The following MB21D2 variants were observed in gnomAD, a reference collection of about 807,000 sequenced individuals.
The protein encoded by MB21D2 is Mab-21 domain containing 2.
MB21D2 carries 9 observed loss-of-function variants against 33.3 expected under a neutral mutation model. The ratio of observed to expected loss-of-function variants is 0.27; its 90% confidence interval spans 0.16 to 0.47. MB21D2 has a LOEUF of 0.47. MB21D2 is among the 20% of genes least tolerant of loss of function. The pLI is 0.99. For missense variants in MB21D2, 540 were observed against 624.6 expected (o/e 0.86, Z 1.44); for synonymous variants, 241 against 236.3 (o/e 1.02, Z -0.18).
chr3:192,839,290 C>A (rs997937612), intron 1 of MB21D2, among the ~76,000 whole-genome samples: 1 of 152,186 alleles, frequency 6.6e-6, no homozygotes, highest in African/African-American at 2.4e-5. Context: ...TCTGGATTTA[C>A]GTACCTTCCT....
intron 1 of MB21D2, among the ~76,000 whole-genome samples, chr3:192,823,612 G>A (rs373654959): frequency 2.6e-5 from 4 of 152,056 alleles, no homozygotes; most frequent in South Asian, 2.1e-4. Context: ...ACAAGATCAC[G>A]CCATTGTACT....
rs535479440 is a variant in MB21D2, at chr3:192,869,865, G to A, written c.211+47765C>T. Among the ~76,000 whole-genome samples, 47 of 152,266 alleles carry A rather than the reference G, an allele frequency of 3.1e-4. No individual in the cohort carries two copies. The South Asian group carries it at 9.1e-3, about 30-fold the overall frequency. On this transcript the variant is annotated intron_variant, in intron 1 of 1. Transcript: ENST00000392452. ...TCAGCAGTCTATAACCTGCTGAGCT[G>A]AGCTAGGAAAGGTACTCAAACAGCA...
At chr3:192,830,418 T>C (rs915738908) in intron 1 of MB21D2, among the ~76,000 whole-genome samples, 1 of 152,168 alleles carries the variant, frequency 6.6e-6, no homozygotes. Flanking sequence ...CTCACCATTT[T>C]GAGCACCCAG....
At chr3:192,845,131 T>C (rs772144318) in intron 1 of MB21D2, among the ~76,000 whole-genome samples, 15 of 152,220 alleles carry the variant, frequency 9.9e-5, no homozygotes, top group Non-Finnish European at 2.1e-4. Context: ...AACTCGGAAG[T>C]TGCAGACTAA....
intron 1 of MB21D2, among the ~76,000 whole-genome samples, chr3:192,862,917 T>C (rs954490996): frequency 6.6e-6 from 1 of 152,320 alleles, no homozygotes; most frequent in East Asian, 1.9e-4. Context: ...AATGGTGCCC[T>C]GTTGCTGCAC....
At chr3:192,902,105 T>C (rs958711394) in intron 1 of MB21D2, among the ~76,000 whole-genome samples, 10 of 152,216 alleles carry the variant, frequency 6.6e-5, no homozygotes, top group African/African-American at 2.2e-4. Flanking sequence ...AAAGAATGTT[T>C]GTCCTGGGAG....
intron 1 of MB21D2, among the ~76,000 whole-genome samples, chr3:192,819,500 C>T (rs181206299): frequency 2.0e-5 from 3 of 152,176 alleles, no homozygotes; most frequent in Non-Finnish European, 4.4e-5. Context: ...CTCCCACCCC[C>T]GCTTCGACCA....
chr3:192,862,622 C>G (rs2061602269), intron 1 of MB21D2, among the ~76,000 whole-genome samples: 1 of 152,130 alleles, frequency 6.6e-6, no homozygotes, highest in Non-Finnish European at 1.5e-5. Flanking sequence ...CCTCCTGCTC[C>G]TTTAACTGTG....
chr3:192,844,149 G>C (rs767646753), intron 1 of MB21D2, among the ~76,000 whole-genome samples: 1 of 152,124 alleles, frequency 6.6e-6, no homozygotes, highest in South Asian at 2.1e-4. Context: ...CCGCAGCCTC[G>C]CCAGCCCACG....
At chr3:192,855,243 C>T (rs993278142) in intron 1 of MB21D2, among the ~76,000 whole-genome samples, 4 of 152,066 alleles carry the variant, frequency 2.6e-5, no homozygotes, top group Non-Finnish European at 4.4e-5. Flanking sequence ...GGATTACAGG[C>T]ACCTACCACC....
intron 1 of MB21D2, among the ~76,000 whole-genome samples, chr3:192,916,524 G>C (rs1714468807): frequency 1.3e-5 from 2 of 152,194 alleles, no homozygotes; most frequent in African/African-American, 4.8e-5. Flanking sequence ...CCAGAGACGA[G>C]CGTTAGAGCA....
intron 1 of MB21D2, among the ~76,000 whole-genome samples, chr3:192,842,195 A>T (rs1712588753): frequency 6.6e-6 from 1 of 152,258 alleles, no homozygotes; most frequent in African/African-American, 2.4e-5. Context: ...GAACTGGGGC[A>T]CAGCTGAAGT....
intron 1 of MB21D2, among the ~76,000 whole-genome samples, chr3:192,818,388 A>C (rs147370017): frequency 0.011 from 1,649 of 152,302 alleles, 13 homozygotes; most frequent in Non-Finnish European, 0.019. Context: ...GATTGCTTTC[A>C]CATGCAATTT....
chr3:192,797,533 T>C lies in MB21D2; in HGVS notation c.*853A>G, dbSNP rs992475084. On this transcript the variant is annotated 3_prime_UTR_variant, in exon 2 of 2. Transcript: ENST00000392452. ...CAAAGAATCATTTCACTGATAGAAA[T>C]GGGCAAAATGAAAAAATGATAGAAT... The C allele has an allele frequency of 2.0e-5, 3 of 152,480 alleles. No individual in the cohort carries two copies. The highest frequency in any genetic ancestry group is 4.4e-5 in the Non-Finnish European group (3 of 67,996). The allele number at this position is 152,480 out of a possible 1,614,324, so 9.4% of individuals were successfully genotyped here.
chr3:192,828,660 A>T (rs1202102275), intron 1 of MB21D2, among the ~76,000 whole-genome samples: 14 of 71,150 alleles, frequency 2.0e-4, no homozygotes, highest in Admixed American at 1.2e-3. Context: ...ATATATATAT[A>T]TATTTTGAGA....
At chr3:192,853,346 T>C (rs1266980816) in intron 1 of MB21D2, among the ~76,000 whole-genome samples, 1 of 152,184 alleles carries the variant, frequency 6.6e-6, no homozygotes, top group East Asian at 1.9e-4. Context: ...CCGTGACAAA[T>C]GGTTTTTCAC....
intron 1 of MB21D2, among the ~76,000 whole-genome samples, chr3:192,800,342 A>G (rs1312274742): frequency 2.6e-5 from 4 of 152,114 alleles, no homozygotes; most frequent in African/African-American, 9.7e-5. Context: ...GCTTCCCCCA[A>G]GTGCTGGGAT....
intron 1 of MB21D2, among the ~76,000 whole-genome samples, chr3:192,820,156 A>C (rs1027969690): frequency 1.3e-5 from 2 of 152,240 alleles, no homozygotes; most frequent in African/African-American, 4.8e-5. Flanking sequence ...GTGAGTTTGT[A>C]TAACAGCAAG....
intron 1 of MB21D2, among the ~76,000 whole-genome samples, chr3:192,910,990 G>A (rs1029463317): frequency 1.3e-5 from 2 of 152,184 alleles, no homozygotes; most frequent in African/African-American, 4.8e-5. Flanking sequence ...TAATGATTAA[G>A]CCCAACTTAT....
Sources: allele counts gnomAD v4.1 joint callset (sites outside exome capture counted in the v4.1 genomes callset), GRCh38; gene constraint gnomAD v4.1.1; transcripts MANE v1.5; gene names NCBI Gene and HGNC (gene_info 2026-07-23, HGNC 2026-07-21).